PRKG1: variants seen among roughly 807,000 people sequenced by gnomAD.
The protein encoded by PRKG1 is cGMP-dependent protein kinase 1.
Under a neutral mutation model 88.1 loss-of-function variants are expected in PRKG1, and 35 were observed. The ratio of observed to expected loss-of-function variants is 0.40; its 90% CI spans 0.30 to 0.53. The LOEUF (loss-of-function observed/expected upper bound fraction) is 0.53. Among genes scored for constraint, PRKG1 ranks in the 20% least tolerant of loss-of-function variants. PRKG1 has a pLI of 0.59. For synonymous variants in PRKG1, 303 were observed against 292.5 expected, an observed-to-expected ratio of 1.04 and a Z score of -0.37; for missense variants, 540 against 839.8, an observed-to-expected ratio of 0.64 and a Z score of 4.41.
Position 52,296,858 on chromosome 10 carries a change from A to T in PRKG1, c.*2958A>T, listed in dbSNP as rs761883167. 1.7e-4 allele frequency: 26 copies of T among 152,252 alleles called. 1 individual carries two copies. Among genetic ancestry groups the T allele is most frequent in the Non-Finnish European group, 2.8e-4 (19 of 67,968 alleles). The allele number at this position is 152,252 out of a possible 1,614,324, so 9.4% of individuals were successfully genotyped here. ...TGAATCAGATCCATGTGGCATTCAA[A>T]ACAAATTTATTTTGGTTATATTCTT... is the stretch of plus-strand genomic sequence containing the variant. On this transcript the variant is annotated 3_prime_UTR_variant, in exon 18 of 18. Coordinates refer to ENST00000373980, the MANE Select transcript of PRKG1 (RefSeq NM_006258.4).
intron 7 of PRKG1, among the ~76,000 whole-genome samples, chr10:52,064,097 C>T (rs1357080828): frequency 6.6e-6 from 1 of 152,196 alleles, no homozygotes; most frequent in African/African-American, 2.4e-5. Flanking sequence ...TGGGGATCCA[C>T]CACGTTTCTG....
chr10:52,239,665 G>C (rs899732616), intron 9 of PRKG1, among the ~76,000 whole-genome samples: 3 of 151,944 alleles, frequency 2.0e-5, no homozygotes, highest in African/African-American at 7.3e-5. Flanking sequence ...ATATACAAGT[G>C]TAGAGTGAGG....
At chr10:51,218,039 T>C (rs1838416166) in intron 2 of PRKG1, among the ~76,000 whole-genome samples, 1 of 152,158 alleles carries the variant, frequency 6.6e-6, no homozygotes, top group African/African-American at 2.4e-5. Context: ...CACTAATTCA[T>C]GTTTACATAC....
At chr10:51,988,727 T>C (rs1342989312) in intron 5 of PRKG1, among the ~76,000 whole-genome samples, 1 of 152,032 alleles carries the variant, frequency 6.6e-6, no homozygotes, top group Non-Finnish European at 1.5e-5. Context: ...TTCTTGTTGA[T>C]TGGTAAAATT....
intron 3 of PRKG1, among the ~76,000 whole-genome samples, chr10:51,627,996 CT>C: frequency 2.5e-5 from 1 of 39,800 alleles, no homozygotes; most frequent in East Asian, 8.0e-4. Flanking sequence ...TTCTTTCTCT[CT>C]CTCTCTCTCT....
chr10:51,926,678 C>T lies in PRKG1; in HGVS notation c.762+19108C>T, dbSNP rs369627886. Among the ~76,000 whole-genome samples the T allele has an allele frequency of 1.4e-4, 21 of 151,812 alleles. No individual in the cohort carries two copies. The East Asian group carries it at 3.5e-3, about 25-fold the overall frequency. ...GCATGAGGAAAGCATTCCTCCTGTC[C>T]TGCCTGCTTGTAGACATATCAGTTT... On this transcript the variant is annotated intron_variant, in intron 5 of 17. Transcript: ENST00000373980.
In PRKG1 at chr10:51,634,423, T is replaced by C. The variant is rs1013159754; in HGVS notation, c.592+166587T>C. On this transcript the variant is annotated intron_variant, in intron 3 of 17. Coordinates refer to ENST00000373980, the MANE Select transcript of PRKG1 (RefSeq NM_006258.4). ...ATCAGTCTACACATCTAAAACTTGA[T>C]TATATAGTTAGGGGAGCCATTCAGG... Among the ~76,000 whole-genome samples the C allele has an allele frequency of 2.6e-5, 4 of 152,138 alleles. No homozygotes were observed. In the East Asian group the frequency reaches 7.7e-4, roughly 29 times the overall value.
At chr10:51,965,829 T>C (rs559772426) in intron 5 of PRKG1, among the ~76,000 whole-genome samples, 1 of 152,312 alleles carries the variant, frequency 6.6e-6, no homozygotes, top group East Asian at 1.9e-4. Flanking sequence ...TTGTCAAAAA[T>C]GGTGTGATCT....
At chr10:51,066,612 T>C (rs1369279610) in intron 1 of PRKG1, among the ~76,000 whole-genome samples, 1 of 152,126 alleles carries the variant, frequency 6.6e-6, no homozygotes, top group Non-Finnish European at 1.5e-5. Context: ...ACACTGAAAG[T>C]ATTAGAAGAA....
intron 3 of PRKG1, among the ~76,000 whole-genome samples, chr10:51,474,962 C>T (rs998480680): frequency 6.6e-6 from 1 of 151,884 alleles, no homozygotes; most frequent in African/African-American, 2.4e-5. Flanking sequence ...GCAGTCATCC[C>T]ATGCATTATG....
intron 1 of PRKG1, 82 bp downstream of exon 1, chr10:51,074,983 G>A (rs750448009): frequency 2.6e-4 from 375 of 1,452,014 alleles, no homozygotes; most frequent in Non-Finnish European, 3.1e-4. Context: ...GTCGGCCCCC[G>A]CCCCTCCCGC....
intron 3 of PRKG1, among the ~76,000 whole-genome samples, chr10:51,673,418 A>AG (rs1308889291): frequency 6.6e-6 from 1 of 152,222 alleles, no homozygotes; most frequent in Non-Finnish European, 1.5e-5. Context: ...GAAATCACTG[A>AG]GATGGGAGCT....
At chr10:51,166,006 G>T (rs1217133963) in intron 2 of PRKG1, among the ~76,000 whole-genome samples, 16 of 151,010 alleles carry the variant, frequency 1.1e-4, no homozygotes, top group African/African-American at 3.9e-4. Context: ...CATTTTTATG[G>T]CTGGAAGAAC....
At chr10:51,136,163 A>G (rs1483799560) in intron 1 of PRKG1, among the ~76,000 whole-genome samples, 4 of 152,112 alleles carry the variant, frequency 2.6e-5, no homozygotes, top group Non-Finnish European at 5.9e-5. Flanking sequence ...GTGAGTGGAT[A>G]TGGGGTGTGA....
At chr10:52,013,146 C>T (rs1021336827) in intron 5 of PRKG1, among the ~76,000 whole-genome samples, 2 of 151,516 alleles carry the variant, frequency 1.3e-5, no homozygotes, top group Admixed American at 6.6e-5. Flanking sequence ...GGGCCGGGTG[C>T]GGTGGCTCAC....
intron 1 of PRKG1, among the ~76,000 whole-genome samples, chr10:51,106,533 T>C (rs1844835498): frequency 6.6e-6 from 1 of 152,158 alleles, no homozygotes; most frequent in South Asian, 2.1e-4. Context: ...CATCAGCACC[T>C]TTCTTAGAGG....
At chr10:51,533,768 G>A (rs551686627) in intron 3 of PRKG1, among the ~76,000 whole-genome samples, 55 of 152,142 alleles carry the variant, frequency 3.6e-4, no homozygotes, top group African/African-American at 1.3e-3. Flanking sequence ...CTTTTAATTG[G>A]AACTTTACAA....
At position 52,190,413 on chromosome 10, in the gene PRKG1, CAT is replaced by C. The variant is rs1294773747; in HGVS notation, c.1076+28452_1076+28453del. On this transcript the variant is annotated intron_variant, in intron 9 of 17. Transcript: ENST00000373980. ...AAGGTTAAAATTCTGTTAAATAAAACATAGTCCCATTTTACTTACATTTTTAA... is the reference window on the plus strand; with the variant it reads ...AAGGTTAAAATTCTGTTAAATAAAACAGTCCCATTTTACTTACATTTTTAA... Among the ~76,000 whole-genome samples, 20 of 152,226 alleles carry C rather than the reference CAT, an allele frequency of 1.3e-4. No homozygotes were observed. In the South Asian group the frequency reaches 1.7e-3, roughly 13 times the overall value.
At chr10:51,786,347 G>T (rs572556696) in intron 3 of PRKG1, among the ~76,000 whole-genome samples, 2 of 151,984 alleles carry the variant, frequency 1.3e-5, no homozygotes, top group Non-Finnish European at 2.9e-5. Flanking sequence ...TTGATTTTGG[G>T]GATGGGACTC....
Sources: gnomAD v4.1 joint callset for allele counts (sites outside exome capture counted in the v4.1 genomes callset) on GRCh38, gnomAD v4.1.1 for gene constraint, MANE v1.5 for transcripts, NCBI Gene and HGNC (gene_info 2026-07-23, HGNC 2026-07-21) for gene names.